The following AUTS2 variants were observed in gnomAD, a reference collection of about 807,000 sequenced individuals.
The protein encoded by AUTS2 is autism susceptibility gene 2 protein.
In AUTS2, 17 loss-of-function variants were observed where a neutral mutation model predicts 112.4. The ratio of observed to expected loss-of-function variants is 0.15; its 90% confidence interval spans 0.10 to 0.23. The LOEUF (loss-of-function observed/expected upper bound fraction) is 0.23. Ranked by LOEUF, AUTS2 falls within the 10% of genes least tolerant of loss-of-function variation. AUTS2 has a pLI of 1.00. For synonymous variants in AUTS2, 751 were observed against 702.7 expected, an observed-to-expected ratio of 1.07 and a Z score of -1.09; for missense variants, 1,510 against 1,701.6, an observed-to-expected ratio of 0.89 and a Z score of 1.98.
At chr7:70,310,437 CG>C (rs1177092084) in intron 4 of AUTS2, among the ~76,000 whole-genome samples, 1 of 151,872 alleles carries the variant, frequency 6.6e-6, no homozygotes, top group Non-Finnish European at 1.5e-5. Context: ...GGTGAAACCC[CG>C]TCTCTACTAA....
chr7:70,472,568 C>A (rs573613494), intron 5 of AUTS2, among the ~76,000 whole-genome samples: 1 of 152,024 alleles, frequency 6.6e-6, no homozygotes, highest in African/African-American at 2.4e-5. Context: ...TTAAAATTAC[C>A]AGCCATTAAA....
chr7:69,844,761 T>G (rs558093860), intron 1 of AUTS2, among the ~76,000 whole-genome samples: 1 of 152,312 alleles, frequency 6.6e-6, no homozygotes, highest in East Asian at 1.9e-4. Context: ...TCCTTTAGTT[T>G]TATCGGTAGA....
chr7:70,294,850 G>A (rs1200902866), intron 4 of AUTS2, among the ~76,000 whole-genome samples: 4 of 152,146 alleles, frequency 2.6e-5, no homozygotes, highest in Admixed American at 6.5e-5. Context: ...GCCTGGAGTC[G>A]TTTTGTTTGT....
intron 4 of AUTS2, among the ~76,000 whole-genome samples, chr7:70,392,222 C>G (rs1431832681): frequency 6.6e-6 from 1 of 152,154 alleles, no homozygotes. Context: ...TCTTTATATT[C>G]CCTTTGCCTA....
At chr7:70,028,095 C>T (rs535664374) in intron 2 of AUTS2, among the ~76,000 whole-genome samples, 46 of 151,938 alleles carry the variant, frequency 3.0e-4, no homozygotes, top group Admixed American at 9.2e-4. Context: ...CTTGCACACA[C>T]GTGCATACTT....
At chr7:69,651,556 G>A (rs770242472) in intron 1 of AUTS2, among the ~76,000 whole-genome samples, 1 of 152,194 alleles carries the variant, frequency 6.6e-6, no homozygotes, top group East Asian at 1.9e-4. Context: ...GACTGACTGT[G>A]TTTCTGCCTT....
chr7:69,951,050 T>C (rs1001957246), intron 2 of AUTS2, among the ~76,000 whole-genome samples: 3 of 152,180 alleles, frequency 2.0e-5, no homozygotes, highest in Admixed American at 2.0e-4. Context: ...GAGAAGGTTA[T>C]AGCAGTGAGT....
At chr7:70,304,336 G>GATT (rs1789386548) in intron 4 of AUTS2, among the ~76,000 whole-genome samples, 3 of 152,222 alleles carry the variant, frequency 2.0e-5, no homozygotes, top group Admixed American at 6.5e-5. Context: ...TGCTGTTTCA[G>GATT]ATTTCACCAG....
At chr7:69,801,615 T>G (rs537990946) in intron 1 of AUTS2, among the ~76,000 whole-genome samples, 3 of 152,090 alleles carry the variant, frequency 2.0e-5, no homozygotes, top group African/African-American at 7.2e-5. Context: ...TACTACATTA[T>G]GTACTATCTT....
chr7:70,425,916 T>A (rs1466027103), intron 4 of AUTS2, among the ~76,000 whole-genome samples: 1 of 152,242 alleles, frequency 6.6e-6, no homozygotes, highest in Admixed American at 6.5e-5. Flanking sequence ...TCTAGACATT[T>A]TTATGTTTAT....
intron 3 of AUTS2, among the ~76,000 whole-genome samples, chr7:70,130,215 C>T (rs1001513007): frequency 6.6e-6 from 1 of 152,142 alleles, no homozygotes; most frequent in Admixed American, 6.5e-5. Context: ...CACACATTCT[C>T]ACCTAGGGGT....
At chr7:70,469,132 G>T (rs1171682238) in intron 5 of AUTS2, among the ~76,000 whole-genome samples, 1 of 152,238 alleles carries the variant, frequency 6.6e-6, no homozygotes, top group Non-Finnish European at 1.5e-5. Context: ...ACAAGTATTT[G>T]AGTGTCTGTT....
At chr7:70,079,113 A>T (rs2129564347) in intron 2 of AUTS2, among the ~76,000 whole-genome samples, 1 of 152,270 alleles carries the variant, frequency 6.6e-6, no homozygotes, top group East Asian at 1.9e-4. Flanking sequence ...CCCAGTCATA[A>T]GTGACCTTGT....
rs988490610 is a variant in AUTS2, at chr7:70,766,628, T to C, written c.1689+294T>C. Among the ~76,000 whole-genome samples the C allele has an allele frequency of 1.3e-5, 2 of 152,222 alleles. No individual in the cohort carries two copies. The highest frequency in any genetic ancestry group is 4.8e-5 in the African/African-American group (2 of 41,450). The stretch of plus-strand genomic sequence containing the variant: ...TGATGGCTAACTTCTTAAAGGGTTG[T>C]TTAGTTTTCTTGAACTTCCCGGGGG... On this transcript the variant is annotated intron_variant, in intron 9 of 18. Transcript: ENST00000342771. The surrounding 1 kb of genome is among the most constrained non-coding windows in gnomAD (Gnocchi z 4.8).
In AUTS2 at chr7:70,476,130, G is replaced by A. The variant is rs1275420237; in HGVS notation, c.690+40349G>A. On this transcript the variant is annotated intron_variant, in intron 5 of 18. Coordinates refer to ENST00000342771, the MANE Select transcript of AUTS2 (RefSeq NM_015570.4). Reference sequence around the variant, plus strand: ...CTGATTGTCATGATCATGGTGATACGTTAGTTATCTTGGGTATATACACTG... The same window carrying A: ...CTGATTGTCATGATCATGGTGATACATTAGTTATCTTGGGTATATACACTG... Among the ~76,000 whole-genome samples the A allele has an allele frequency of 7.9e-5, 12 of 152,116 alleles. No individual in the cohort carries two copies. In the South Asian group the frequency reaches 2.1e-3, roughly 26 times the overall value.
intron 2 of AUTS2, among the ~76,000 whole-genome samples, chr7:70,017,299 G>A (rs1800072191): frequency 6.6e-6 from 1 of 152,208 alleles, no homozygotes; most frequent in Admixed American, 6.5e-5. Flanking sequence ...GGGAATGGGA[G>A]GGAGGGAGAT....
chr7:70,568,352 AACGGGAGT>A (rs1246199783), intron 5 of AUTS2, among the ~76,000 whole-genome samples: 3 of 152,216 alleles, frequency 2.0e-5, no homozygotes, highest in African/African-American at 7.2e-5. Flanking sequence ...AAATAAGGAT[AACGGGAGT>A]ACCTAGCTCT....
At chr7:70,107,780 G>A (rs1348688896) in intron 2 of AUTS2, among the ~76,000 whole-genome samples, 3 of 151,096 alleles carry the variant, frequency 2.0e-5, no homozygotes, top group Non-Finnish European at 4.4e-5. Context: ...TTGGGAGGCC[G>A]AGGCAGGCAG....
At chr7:70,289,118 T>A (rs1788594660) in intron 4 of AUTS2, among the ~76,000 whole-genome samples, 1 of 152,172 alleles carries the variant, frequency 6.6e-6, no homozygotes, top group African/African-American at 2.4e-5. Context: ...ATTTATAGAT[T>A]GAAAAGAAGC....
Sources: allele counts gnomAD v4.1 joint callset (sites outside exome capture counted in the v4.1 genomes callset), GRCh38; gene constraint gnomAD v4.1.1; non-coding constraint Gnocchi (gnomAD v3.1); transcripts MANE v1.5; gene names NCBI Gene and HGNC (gene_info 2026-07-23, HGNC 2026-07-21).